TPD52L1: variants seen among roughly 807,000 people sequenced by gnomAD.
The protein encoded by TPD52L1 is tumor protein D53.
A neutral mutation model predicts 28.7 loss-of-function variants in TPD52L1; 18 were observed. The ratio of observed to expected loss-of-function variants is 0.63; its 90% CI spans 0.43 to 0.93. The LOEUF (loss-of-function observed/expected upper bound fraction) is 0.93. Among genes scored for constraint, TPD52L1 ranks in the 40% least tolerant of loss-of-function variants. TPD52L1 has a pLI of 0.00. For missense variants in TPD52L1, 203 were observed against 254.8 expected, an observed-to-expected ratio of 0.80 and a Z score of 1.39; for synonymous variants, 75 against 88.8, an observed-to-expected ratio of 0.84 and a Z score of 0.88.
chr6:125,254,733 G>C (rs1797491521), intron 5 of TPD52L1, among the ~76,000 whole-genome samples: 1 of 152,148 alleles, frequency 6.6e-6, no homozygotes, highest in Non-Finnish European at 1.5e-5. Context: ...CTGTCATGAA[G>C]AGAAATTCTT....
chr6:125,216,823 C>T (rs528819553), intron 1 of TPD52L1, among the ~76,000 whole-genome samples: 4 of 151,882 alleles, frequency 2.6e-5, no homozygotes, highest in East Asian at 3.9e-4. Flanking sequence ...TGTTTGTTAC[C>T]GTGTTGGCAG....
intron 2 of TPD52L1, among the ~76,000 whole-genome samples, chr6:125,220,716 G>A (rs3823222): frequency 0.15 from 22,575 of 152,172 alleles, 2,050 homozygotes; most frequent in East Asian, 0.27. Flanking sequence ...ATGCTTCATC[G>A]AGGCCTAATT....
chr6:125,181,207 A>G (rs1792173165), intron 1 of TPD52L1, among the ~76,000 whole-genome samples: 1 of 152,194 alleles, frequency 6.6e-6, no homozygotes, highest in Non-Finnish European at 1.5e-5. Flanking sequence ...AGTAAACCTG[A>G]TAATATCTGA....
rs78296729 is a variant in TPD52L1 at position 125,204,042 on chromosome 6, G to C, written c.20-16036G>C. On this transcript the variant is annotated intron_variant, in intron 1 of 6. Transcript: ENST00000534000. ...CCAGATATACATCAGTTTTCAACTTGTCAGGATGGCGGATAAGATTCTGCT... is the reference window on the plus strand; with the variant it reads ...CCAGATATACATCAGTTTTCAACTTCTCAGGATGGCGGATAAGATTCTGCT... Among the ~76,000 whole-genome samples the C allele has an allele frequency of 3.3e-3, 504 of 152,238 alleles. 3 individuals carry two copies. The highest frequency in any genetic ancestry group is 0.012 in the African/African-American group (482 of 41,532).
intron 1 of TPD52L1, among the ~76,000 whole-genome samples, chr6:125,185,162 T>G (rs1792515943): frequency 6.6e-6 from 1 of 152,188 alleles, no homozygotes; most frequent in African/African-American, 2.4e-5. Context: ...TATAAATGCA[T>G]TTTTAAAAAC....
At chr6:125,182,026 A>T (rs1792229022) in intron 1 of TPD52L1, among the ~76,000 whole-genome samples, 1 of 152,144 alleles carries the variant, frequency 6.6e-6, no homozygotes. Flanking sequence ...CCCCTCGGAT[A>T]CCTCTGGCAT....
chr6:125,155,059 A>G (rs1790030408), intron 1 of TPD52L1, among the ~76,000 whole-genome samples: 1 of 152,204 alleles, frequency 6.6e-6, no homozygotes, highest in African/African-American at 2.4e-5. Context: ...CAGGATTACA[A>G]TTGTCTGAAC....
At chr6:125,186,117 C>G (rs1428826689) in intron 1 of TPD52L1, among the ~76,000 whole-genome samples, 1 of 152,072 alleles carries the variant, frequency 6.6e-6, no homozygotes, top group Non-Finnish European at 1.5e-5. Context: ...TGGTCTCGAA[C>G]TCCTGATCCA....
chr6:125,245,474 A>G (rs1355445980), intron 3 of TPD52L1, among the ~76,000 whole-genome samples: 1 of 151,944 alleles, frequency 6.6e-6, no homozygotes, highest in Admixed American at 6.6e-5. Context: ...AGCTCTCAAG[A>G]GTTTATGTCT....
chr6:125,249,181 T>C (rs1797102775), intron 4 of TPD52L1, among the ~76,000 whole-genome samples: 1 of 151,314 alleles, frequency 6.6e-6, no homozygotes, highest in South Asian at 2.1e-4. Flanking sequence ...TTACTCTTAG[T>C]TTTTGCTTAT....
At chr6:125,203,770 C>T (rs1440074408) in intron 1 of TPD52L1, 3 of 985,314 alleles carry the variant, frequency 3.0e-6, no homozygotes, top group Admixed American at 6.1e-5. Context: ...GGAGGAACCA[C>T]CCCATCTGTA....
At chr6:125,164,828 T>G (rs1562193483) in intron 1 of TPD52L1, among the ~76,000 whole-genome samples, 3 of 152,072 alleles carry the variant, frequency 2.0e-5, no homozygotes, top group Non-Finnish European at 2.9e-5. Context: ...AAGCAGCAAC[T>G]GCAGAAAAGA....
intron 5 of TPD52L1, among the ~76,000 whole-genome samples, chr6:125,256,336 C>A (rs1205519412): frequency 1.3e-5 from 2 of 150,676 alleles, no homozygotes; most frequent in African/African-American, 4.9e-5. Flanking sequence ...GGTGACAGAA[C>A]GAGACTATCA....
At chr6:125,169,412 C>A (rs73771233) in intron 1 of TPD52L1, among the ~76,000 whole-genome samples, 7,626 of 152,218 alleles carry the variant, frequency 0.05, 427 homozygotes, top group East Asian at 0.33. Context: ...GGTGTCTGAT[C>A]AACATCTTGA....
chr6:125,261,750 ATACT>A (rs1328793029), intron 6 of TPD52L1: 4 of 152,174 alleles, frequency 2.6e-5, no homozygotes, highest in African/African-American at 7.2e-5. Flanking sequence ...ATTTTTCAAA[ATACT>A]TAGCCTTATT....
chr6:125,229,542 T>C (rs1027620288), intron 3 of TPD52L1, among the ~76,000 whole-genome samples: 5 of 152,338 alleles, frequency 3.3e-5, no homozygotes, highest in Admixed American at 1.3e-4. Context: ...TAAATGTTTT[T>C]CTCTTTATAT....
At chr6:125,167,978 A>G (rs514483) in intron 1 of TPD52L1, among the ~76,000 whole-genome samples, 83,709 of 152,086 alleles carry the variant, frequency 0.55, 25,943 homozygotes, top group African/African-American at 0.85. Context: ...TTGCCACCTC[A>G]AATTAAATTC....
intron 5 of TPD52L1, among the ~76,000 whole-genome samples, chr6:125,256,716 C>A (rs1797624656): frequency 6.6e-6 from 1 of 152,204 alleles, no homozygotes; most frequent in South Asian, 2.1e-4. Context: ...TACTAAAAAA[C>A]CTGAGTCAGG....
rs1211837335 is a variant in TPD52L1 at position 125,264,078 on chromosome 6, G to A, written c.*1116G>A. The A allele has an allele frequency of 1.3e-5, 2 of 152,300 alleles. No individual in the cohort carries two copies. Among genetic ancestry groups the A allele is most frequent in the South Asian group, 2.1e-4 (1 of 4,828 alleles). The allele number at this position is 152,300 out of a possible 1,614,324, so 9.4% of individuals were successfully genotyped here. ...AGAGTTCTGCAACCCCTTTCAGTTT[G>A]TAAATTGTTCACATGTATGAAAATA... On this transcript the variant is annotated 3_prime_UTR_variant, in exon 7 of 7. Transcript: ENST00000534000.
Sources: allele counts gnomAD v4.1 joint callset (sites outside exome capture counted in the v4.1 genomes callset), GRCh38; gene constraint gnomAD v4.1.1; transcripts MANE v1.5; gene names NCBI Gene and HGNC (gene_info 2026-07-23, HGNC 2026-07-21).